The following ANXA9 variants were observed in gnomAD, a reference collection of about 807,000 sequenced individuals.
The protein encoded by ANXA9 is annexin A9, also known as annexin 31.
In ANXA9, 47 loss-of-function variants were observed where a neutral mutation model predicts 51.8. The observed-to-expected ratio is 0.91, with a 90% confidence interval of 0.72 to 1.16. The LOEUF is 1.16. Among genes scored for constraint, ANXA9 ranks in the 50% most tolerant of loss-of-function variants. The pLI is 0.00. For synonymous variants in ANXA9, 154 were observed against 168.7 expected, an observed-to-expected ratio of 0.91 and a Z score of 0.68; for missense variants, 361 against 424.7, an observed-to-expected ratio of 0.85 and a Z score of 1.32.
At chr1:150,980,616 C>T (rs587597339), upstream of ANXA9, among the ~76,000 whole-genome samples, 291 of 121,532 alleles carry the variant, frequency 2.4e-3, no homozygotes, top group Non-Finnish European at 3.6e-3. Flanking sequence ...CTCACTCTGT[C>T]GCCCAGGCTG....
intron 12 of ANXA9, among the ~76,000 whole-genome samples, chr1:150,989,966 G>T (rs1671657687): frequency 6.6e-6 from 1 of 152,016 alleles, no homozygotes; most frequent in Non-Finnish European, 1.5e-5. Context: ...AGTGTATTTG[G>T]ATTACAAGAC....
Position 150,988,084 on chromosome 1 carries a change from ACAC to A in ANXA9, c.698-6_698-4del, listed in dbSNP as rs869174401. ...CCATCTTTCTAACTGCCTCCTACACACACAAGTGTTTGATCAGTACCAGCGGAG... is the reference window on the plus strand; with the variant it reads ...CCATCTTTCTAACTGCCTCCTACACAAAGTGTTTGATCAGTACCAGCGGAG... On this transcript the variant is annotated splice_polypyrimidine_tract_variant and splice_region_variant and intron_variant, in intron 10 of 13. Coordinates refer to ENST00000368947, the MANE Select transcript of ANXA9 (RefSeq NM_003568.3). 3.2e-5 allele frequency: 51 copies of A among 1,614,114 alleles called. 2 individuals are homozygous for A. The highest frequency in any genetic ancestry group is 2.4e-4 in the African/African-American group (18 of 75,016).
intron 12 of ANXA9, among the ~76,000 whole-genome samples, chr1:150,988,758 C>T (rs992156672): frequency 6.6e-6 from 1 of 152,182 alleles, no homozygotes; most frequent in Admixed American, 6.5e-5. Flanking sequence ...ATCCTCACAA[C>T]CATATCCATC....
At chr1:150,979,539 T>G (rs1048588636), upstream of ANXA9, among the ~76,000 whole-genome samples, 2 of 152,108 alleles carry the variant, frequency 1.3e-5, no homozygotes, top group African/African-American at 4.8e-5. Context: ...TGCATACCAA[T>G]TCCACCCAGG....
At chr1:150,990,181 C>T (rs996561694) in intron 12 of ANXA9, among the ~76,000 whole-genome samples, 11 of 150,798 alleles carry the variant, frequency 7.3e-5, no homozygotes, top group African/African-American at 2.2e-4. Context: ...CATGGTGGCA[C>T]CTGCCTCTAG....
chr1:150,994,119 C>T (rs766648416), intron 12 of ANXA9, among the ~76,000 whole-genome samples: 1 of 152,248 alleles, frequency 6.6e-6, no homozygotes, highest in African/African-American at 2.4e-5. Context: ...AACCTTGAAC[C>T]CTATCAGAGC....
At chr1:150,987,773 T>A in intron 9 of ANXA9, 99 bp from the exon 10 acceptor site, 1 of 905,574 alleles carries the variant, frequency 1.1e-6, no homozygotes, top group Non-Finnish European at 1.7e-6. Context: ...CCCATTTCCA[T>A]CATGATGATG....
At chr1:150,994,173 G>GAT (rs774049785) in intron 12 of ANXA9, among the ~76,000 whole-genome samples, 4 of 152,114 alleles carry the variant, frequency 2.6e-5, no homozygotes, top group Middle Eastern at 3.2e-3. Context: ...ATCCTCCTTG[G>GAT]ATATTCACTA....
upstream of ANXA9, among the ~76,000 whole-genome samples, chr1:150,978,144 TA>T (rs1192268596): frequency 7.0e-6 from 1 of 142,740 alleles, no homozygotes; most frequent in Non-Finnish European, 1.5e-5. Flanking sequence ...CAAAAATAAA[TA>T]AAAGGCTGGG....
At chr1:150,986,546 C>A in intron 8 of ANXA9, 56 bp from the exon 9 acceptor site, 1 of 1,596,066 alleles carries the variant, frequency 6.3e-7, no homozygotes, top group East Asian at 2.2e-5. Flanking sequence ...GCTTGTTGGT[C>A]TGAAGATAAA....
chr1:150,990,247 G>A (rs1361778359), intron 12 of ANXA9, among the ~76,000 whole-genome samples: 1 of 151,100 alleles, frequency 6.6e-6, no homozygotes, highest in Non-Finnish European at 1.5e-5. Context: ...TGAATTAGAA[G>A]TTACAGTGAG....
rs377065099 is a variant in ANXA9, at chr1:150,988,368, C to G, written c.852+27C>G. ...TGAGAGGGGCACTCCTTTCCCTCCC[C>G]AGAACAGAAACTGGGGAGGAGAGAG... is the stretch of plus-strand genomic sequence containing the variant. On this transcript the variant is annotated intron_variant, in intron 12 of 13. Transcript: ENST00000368947. The G allele has an allele frequency of 4.5e-5, 72 of 1,611,858 alleles. No individual in the cohort carries two copies. The African/African-American group carries it at 8.4e-4, about 19-fold the overall frequency.
chr1:150,991,381 C>T (rs1268571087), intron 12 of ANXA9, among the ~76,000 whole-genome samples: 17 of 146,998 alleles, frequency 1.2e-4, no homozygotes, highest in Admixed American at 1.1e-3. Context: ...GGATTACAGG[C>T]GCTCACCACC....
intron 6 of ANXA9, 46 bp downstream of exon 6, chr1:150,984,440 G>C: frequency 6.3e-7 from 1 of 1,596,904 alleles, no homozygotes; most frequent in Non-Finnish European, 8.6e-7. Context: ...AAGGGAGAAG[G>C]CTGTCAGCCT....
intron 9 of ANXA9, among the ~76,000 whole-genome samples, chr1:150,987,400 A>G (rs1167420020): frequency 2.5e-4 from 36 of 144,584 alleles, no homozygotes; most frequent in Admixed American, 5.5e-4. Context: ...ACACACACAC[A>G]CACGCACACA....
In ANXA9 at chr1:150,984,685, A is replaced by T. The variant is rs1224769254; in HGVS notation, c.472+9A>T. 6.2e-7 allele frequency: 1 copy of T among 1,611,992 alleles called. No homozygotes were observed. The highest frequency in any genetic ancestry group is 2.2e-5 in the East Asian group (1 of 44,876). ...GGCAGTCTACAAACACAGTAAGAAT[A>T]TAGAGGGAGGGGTCCCAGATGCTGG... On this transcript the variant is annotated intron_variant, in intron 7 of 13. Transcript: ENST00000368947.
intron 5 of ANXA9, 93 bp from the exon 6 acceptor site, chr1:150,984,188 A>G: frequency 6.5e-7 from 1 of 1,536,328 alleles, no homozygotes; most frequent in South Asian, 1.1e-5. Context: ...AGGGCCTGAG[A>G]TGAAAACCAG....
chr1:150,983,228 G>A, intron 3 of ANXA9, 48 bp downstream of exon 3: 1 of 1,605,332 alleles, frequency 6.2e-7, no homozygotes, highest in Non-Finnish European at 8.5e-7. Flanking sequence ...TCTCAGCTCG[G>A]GCTGTGAGAG....
At chr1:150,977,719 G>A (rs1671361485), upstream of ANXA9, among the ~76,000 whole-genome samples, 1 of 152,252 alleles carries the variant, frequency 6.6e-6, no homozygotes, top group Non-Finnish European at 1.5e-5. Flanking sequence ...AGCCTAGCTA[G>A]TACCTAATGG....
Sources: gnomAD v4.1 joint callset for allele counts (sites outside exome capture counted in the v4.1 genomes callset) on GRCh38, gnomAD v4.1.1 for gene constraint, MANE v1.5 for transcripts, NCBI Gene and HGNC (gene_info 2026-07-23, HGNC 2026-07-21) for gene names.